Variants in LMO3 observed in about 807,000 individuals in gnomAD.
LMO3 encodes the protein LIM domain only protein 3.
In LMO3, 2 loss-of-function variants were observed where a neutral mutation model predicts 15.8. The observed-to-expected ratio is 0.13, with a 90% CI of 0.05 to 0.40. The LOEUF (loss-of-function observed/expected upper bound fraction) is 0.40, where lower values mean the gene tolerates loss of function less well. Among genes scored for constraint, LMO3 ranks in the 10% least tolerant of loss-of-function variants. LMO3 has a pLI of 0.99. For synonymous variants in LMO3, 62 were observed against 63.8 expected (o/e 0.97, Z 0.13); for missense variants, 86 against 182.2 (o/e 0.47, Z 3.04).
upstream of LMO3, chr12:16,608,575 T>A (rs897438664): frequency 6.6e-6 from 1 of 152,180 alleles, no homozygotes; most frequent in African/African-American, 2.4e-5. The surrounding 1 kb of genome is among the most constrained non-coding windows in gnomAD (Gnocchi z 4.1). Flanking sequence ...TGTCACCTTT[T>A]TCTTAAGGGA....
chr12:16,581,158 A>G (rs1187666811), intron 2 of LMO3, among the ~76,000 whole-genome samples: 1 of 152,232 alleles, frequency 6.6e-6, no homozygotes, highest in Non-Finnish European at 1.5e-5. Context: ...ATTCAATTAC[A>G]GATGACAGGA....
chr12:16,553,465 AAC>A (rs1283199934), intron 3 of LMO3, among the ~76,000 whole-genome samples: 1 of 152,210 alleles, frequency 6.6e-6, no homozygotes, highest in Non-Finnish European at 1.5e-5. Flanking sequence ...TATATAGAGC[AAC>A]AGAGGCAGAG....
chr12:16,600,360 G>C (rs867230174), intron 2 of LMO3: 1 of 214,364 alleles, frequency 4.7e-6, no homozygotes, highest in Non-Finnish European at 9.1e-6. Flanking sequence ...TGCTGATTTC[G>C]ACCAAATACA....
intron 2 of LMO3, among the ~76,000 whole-genome samples, chr12:16,588,416 A>T (rs1309128269): frequency 6.6e-6 from 1 of 152,034 alleles, no homozygotes; most frequent in African/African-American, 2.4e-5. Context: ...AAGAAAACCT[A>T]AAACAACCTA....
chr12:16,600,436 A>G (rs887110137), intron 2 of LMO3: 3 of 537,348 alleles, frequency 5.6e-6, no homozygotes, highest in Non-Finnish European at 9.9e-6. Context: ...GTGTGCAGGC[A>G]AGCCAAATTG....
At position 16,559,471 on chromosome 12, in the gene LMO3, G is replaced by A. The variant is rs117976723; in HGVS notation, c.332+942C>T. 1.5e-3 allele frequency among the ~76,000 whole-genome samples: 226 copies of A among 152,212 alleles called. No individual in the cohort carries two copies. Among genetic ancestry groups the A allele is most frequent in the Non-Finnish European group, 2.6e-3 (178 of 68,008 alleles). On this transcript the variant is annotated intron_variant, in intron 3 of 3. Transcript: ENST00000537304. This position sits in a 1 kb window ranked among gnomAD's most constrained non-coding sequence, Gnocchi z 4.1. ...GAAGGTGTTTGTTTGGTTTAAGATC[G>A]CACAGCTTATTAGTGGCAGAGCCCA...
intron 2 of LMO3, among the ~76,000 whole-genome samples, chr12:16,566,297 G>T (rs1942607609): frequency 6.6e-6 from 1 of 151,678 alleles, no homozygotes; most frequent in South Asian, 2.1e-4. Context: ...GGGCCAAAAT[G>T]ACAGTTAAGA....
intron 3 of LMO3, among the ~76,000 whole-genome samples, chr12:16,558,591 A>T (rs1942276545): frequency 6.6e-6 from 1 of 152,098 alleles, no homozygotes; most frequent in Non-Finnish European, 1.5e-5. Flanking sequence ...ATTTTCGTCT[A>T]AATGTTACCC....
rs1943889499 is a variant in LMO3 at position 16,603,423 on chromosome 12, T to G, written c.-8-2555A>C. 6.6e-6 allele frequency among the ~76,000 whole-genome samples: 1 copy of G among 152,200 alleles called. No individual in the cohort carries two copies. The highest frequency in any genetic ancestry group is 2.1e-4 in the South Asian group (1 of 4,832). On this transcript the variant is annotated intron_variant, in intron 1 of 3. Transcript: ENST00000537304. This position sits in a 1 kb window ranked among gnomAD's most constrained non-coding sequence, Gnocchi z 4.9. Reference sequence around the variant, plus strand: ...TAAAGCAGTCAGCAGTCTCCCCTCTTCCACCAGAAGAACATGTCTGGGTAG... The same window carrying G: ...TAAAGCAGTCAGCAGTCTCCCCTCTGCCACCAGAAGAACATGTCTGGGTAG...
intron 2 of LMO3, among the ~76,000 whole-genome samples, chr12:16,564,614 G>T (rs1266758600): frequency 6.6e-6 from 1 of 152,052 alleles, no homozygotes; most frequent in Non-Finnish European, 1.5e-5. Flanking sequence ...CCAGGTCAGT[G>T]GCTCAAGTCA....
intron 3 of LMO3, among the ~76,000 whole-genome samples, chr12:16,553,316 T>C (rs899328752): frequency 3.4e-4 from 51 of 152,128 alleles, no homozygotes; most frequent in Admixed American, 3.3e-3. Context: ...AGCTTTTACC[T>C]GAGGGCAGTA....
At chr12:16,563,494 A>G (rs1430663554) in intron 2 of LMO3, among the ~76,000 whole-genome samples, 2 of 152,136 alleles carry the variant, frequency 1.3e-5, no homozygotes, top group Admixed American at 6.5e-5. Flanking sequence ...CCTTTGTAAG[A>G]TTTTTTTTCA....
At chr12:16,567,122 C>A (rs559528250) in intron 2 of LMO3, among the ~76,000 whole-genome samples, 1 of 152,018 alleles carries the variant, frequency 6.6e-6, no homozygotes, top group Non-Finnish European at 1.5e-5. Context: ...CTTGAACCTG[C>A]GAGGCGGAGG....
Position 16,582,315 on chromosome 12 carries a change from A to T in LMO3, c.206+18340T>A, listed in dbSNP as rs905558798. On this transcript the variant is annotated intron_variant, in intron 2 of 3. Transcript: ENST00000537304. This position sits in a 1 kb window ranked among gnomAD's most constrained non-coding sequence, Gnocchi z 4.1. ...TCCTGGTGTTCATTCTCTGAATTCTAGAAAACATCTTACCTGTTCCTATAG... is the reference window on the plus strand; with the variant it reads ...TCCTGGTGTTCATTCTCTGAATTCTTGAAAACATCTTACCTGTTCCTATAG... 6.6e-6 allele frequency among the ~76,000 whole-genome samples: 1 copy of T among 152,218 alleles called. No individual in the cohort carries two copies. Among genetic ancestry groups the T allele is most frequent in the East Asian group, 1.9e-4 (1 of 5,198 alleles).
chr12:16,558,667 C>T (rs762050858), intron 3 of LMO3, among the ~76,000 whole-genome samples: 2 of 152,082 alleles, frequency 1.3e-5, no homozygotes, highest in African/African-American at 4.8e-5. Flanking sequence ...TGTAAGATAA[C>T]ATCTTACATG....
intron 2 of LMO3, among the ~76,000 whole-genome samples, chr12:16,572,657 ACCT>A (rs1942855966): frequency 6.8e-6 from 1 of 148,054 alleles, no homozygotes; most frequent in South Asian, 2.1e-4. Flanking sequence ...TAAGTCAGTT[ACCT>A]CTGACTTAAA....
intron 1 of LMO3, chr12:16,605,448 C>A: frequency 1.5e-6 from 1 of 661,180 alleles, no homozygotes; most frequent in Non-Finnish European, 1.9e-6. Flanking sequence ...CCCCCCCCCC[C>A]GCCCCCATGC....
chr12:16,554,598 C>T (rs1942116781), intron 3 of LMO3, among the ~76,000 whole-genome samples: 1 of 152,226 alleles, frequency 6.6e-6, no homozygotes, highest in Admixed American at 6.5e-5. Flanking sequence ...ACACTACCCA[C>T]ACCCCAAATC....
intron 2 of LMO3, among the ~76,000 whole-genome samples, chr12:16,581,000 T>C (rs1295736585): frequency 6.6e-6 from 1 of 152,242 alleles, no homozygotes; most frequent in Non-Finnish European, 1.5e-5. Flanking sequence ...ATTTTATAAC[T>C]AATGTTTTGA....
Sources: gnomAD v4.1 joint callset for allele counts (sites outside exome capture counted in the v4.1 genomes callset) on GRCh38, gnomAD v4.1.1 for gene constraint, Gnocchi (gnomAD v3.1) non-coding constraint, MANE v1.5 for transcripts, NCBI Gene and HGNC (gene_info 2026-07-23, HGNC 2026-07-21) for gene names.